TIGD7: variants seen among roughly 807,000 people sequenced by gnomAD.
The protein encoded by TIGD7 is tigger transposable element-derived protein 7.
TIGD7 carries 26 observed loss-of-function variants against 24.8 expected under a neutral mutation model. The observed-to-expected ratio is 1.05, with a 90% CI of 0.77 to 1.45. The LOEUF (loss-of-function observed/expected upper bound fraction) is 1.45, where lower values mean the gene tolerates loss of function less well. TIGD7 is among the 40% of genes most tolerant of loss of function. The pLI is 0.00. For missense variants in TIGD7, 679 were observed against 641.6 expected (o/e 1.06, Z -0.63); for synonymous variants, 221 against 224.1 (o/e 0.99, Z 0.12).
chr16:3,304,722 A>T (rs961615090), intron 1 of TIGD7: 1 of 152,208 alleles, frequency 6.6e-6, no homozygotes, highest in Non-Finnish European at 1.5e-5. Context: ...TCAGATTCTT[A>T]TAACTATGAT....
chr16:3,304,336 G>A (rs992811438), intron 1 of TIGD7, among the ~76,000 whole-genome samples: 3 of 152,160 alleles, frequency 2.0e-5, no homozygotes, highest in Admixed American at 6.5e-5. Context: ...CCTGGAAAGT[G>A]TCTCCATTCC....
chr16:3,302,833 C>A, intron 1 of TIGD7, among the ~76,000 whole-genome samples: 1 of 121,444 alleles, frequency 8.2e-6, no homozygotes, highest in Non-Finnish European at 1.7e-5. Context: ...GTGCCGTCGT[C>A]TTTTTTTTTT....
intron 1 of TIGD7, among the ~76,000 whole-genome samples, chr16:3,302,702 T>C (rs890878218): frequency 3.3e-5 from 5 of 152,138 alleles, no homozygotes; most frequent in African/African-American, 1.2e-4. Context: ...TAAAAAAGTA[T>C]TTGCTAGCCA....
chr16:3,299,735 G>GT lies in TIGD7; in HGVS notation c.879dup (p.Leu294ThrfsTer12). On this transcript the variant is annotated frameshift_variant, in exon 2 of 2. Coordinates refer to ENST00000396862, the MANE Select transcript of TIGD7 (RefSeq NM_033208.4). LOFTEE classifies it low-confidence loss of function (END_TRUNC). ...GGATGAGCCGGGCAACTGTCCAGAAGTAACAATGCCCTGACGTCCTCGTCA... is the reference window on the plus strand; with the variant it reads ...GGATGAGCCGGGCAACTGTCCAGAAGTTAACAATGCCCTGACGTCCTCGTCA... 7 of 1,541,144 alleles carry GT rather than the reference G, an allele frequency of 4.5e-6. No individual in the cohort carries two copies. The highest frequency in any genetic ancestry group is 6.1e-6 in the Non-Finnish European group (7 of 1,148,846).
At chr16:3,303,337 A>G (rs1469789611) in intron 1 of TIGD7, among the ~76,000 whole-genome samples, 2 of 152,240 alleles carry the variant, frequency 1.3e-5, no homozygotes, top group Non-Finnish European at 2.9e-5. Flanking sequence ...TTTCCCTTTA[A>G]CCAACTTCCT....
chr16:3,304,000 T>C (rs1960028047), intron 1 of TIGD7: 1 of 150,972 alleles, frequency 6.6e-6, no homozygotes, highest in African/African-American at 2.4e-5. Flanking sequence ...GCCCGGCTAA[T>C]TTTTTTTTGT....
chr16:3,299,617 C>T lies in TIGD7; in HGVS notation c.998G>A (p.Gly333Asp), dbSNP rs1228385797. The change falls in exon 2 of 2, where the codon GGT becomes GAT. Residue 333 changes from glycine to aspartate, a missense_variant. Gly to Asp is a moderately conservative substitution (Grantham distance 94). Transcript: ENST00000396862. The stretch of plus-strand genomic sequence containing the variant: ...CAGCCGTTTGCAGCTCAAGATCACA[C>T]CTTGATTCATTGGTTGAATCAAGGT... ...TSTLIQPMNQ[G>D]VILSCKRLYR... The T allele has an allele frequency of 6.4e-7, 1 of 1,564,422 alleles. No individual in the cohort carries two copies.
chr16:3,299,962 G>A lies in TIGD7; in HGVS notation c.653C>T (p.Ala218Val), dbSNP rs1019769749. The change falls in exon 2 of 2, where the codon GCA (alanine) becomes GTA (valine). Residue 218 changes from alanine to valine, a missense_variant. By Grantham distance (64) the Ala-to-Val change is moderately conservative. Transcript: ENST00000396862. ...ERLSAFLCAN[A>V]DGTHKLKSII... is the part of the protein sequence containing the mutation. ...TGACTTTAATTTATGAGTTCCGTCT[G>A]CATTTGCACATAAAAAGGCAGACAA... 3.7e-6 allele frequency: 6 copies of A among 1,613,798 alleles called. No homozygotes were observed. Among genetic ancestry groups the A allele is most frequent in the Non-Finnish European group, 5.1e-6 (6 of 1,179,952 alleles).
chr16:3,300,367 G>A lies in TIGD7; in HGVS notation c.248C>T (p.Ala83Val), dbSNP rs746355436. 29 of 1,614,036 alleles carry A rather than the reference G, an allele frequency of 1.8e-5. No homozygotes were observed. The highest frequency in any genetic ancestry group is 5.0e-5 in the Admixed American group (3 of 60,004). ...TTTCTGTTGGTACCACATGTAGACCGCATCATCTACATCACCATATTTGGC... is the reference window on the plus strand; with the variant it reads ...TTTCTGTTGGTACCACATGTAGACCACATCATCTACATCACCATATTTGGC... The part of the protein sequence containing the change: ...TGAKYGDVDD[A>V]VYMWYQQKRS... The change falls in exon 2 of 2, where the codon GCG becomes GTG. Residue 83 changes from alanine to valine, a missense_variant. Transcript: ENST00000396862.
In TIGD7 at chr16:3,302,719, G is replaced by A. The variant is rs1040553233; in HGVS notation, c.-1395-710C>T. Reference sequence around the variant, plus strand: ...AAAAAGTATTTGCTAGCCAATAGCAGCACCATTAACTCAAGCTAGTCACCT... The same window carrying A: ...AAAAAGTATTTGCTAGCCAATAGCAACACCATTAACTCAAGCTAGTCACCT... On this transcript the variant is annotated intron_variant, in intron 1 of 1. Transcript: ENST00000396862. Among the ~76,000 whole-genome samples, 7 of 152,034 alleles carry A rather than the reference G, an allele frequency of 4.6e-5. No homozygotes were observed. In the East Asian group the frequency reaches 1.4e-3, roughly 29 times the overall value.
In TIGD7 at chr16:3,300,026, C is replaced by T. The variant is rs142304139; in HGVS notation, c.589G>A (p.Asp197Asn). The T allele has an allele frequency of 1.5e-5, 24 of 1,614,200 alleles. No homozygotes were observed. The African/African-American group carries it at 2.3e-4, about 15-fold the overall frequency. Residue 197 changes from aspartate (D) to asparagine (N), a missense_variant, in exon 2 of 2, where the codon GAT (aspartate) becomes AAT (asparagine). Transcript: ENST00000396862. ...MPENSQASRK[D>N]ICLPGKKINK... ...ATTTTCTTCCCTGGTAGGCAGATAT[C>T]TTTCCTACTTGCCTGAGAATTTTCT...
chr16:3,304,368 A>T (rs1053011128), intron 1 of TIGD7, among the ~76,000 whole-genome samples: 1 of 152,050 alleles, frequency 6.6e-6, no homozygotes, highest in African/African-American at 2.4e-5. Flanking sequence ...AAAATCCCTC[A>T]AGGTCTTTTA....
rs1361305894 is a variant in TIGD7 at position 3,299,692 on chromosome 16, G to C, written c.923C>G (p.Thr308Ser). The change falls in exon 2 of 2, where the codon ACC becomes AGC. Residue 308 changes from threonine to serine, a missense_variant. Coordinates refer to ENST00000396862, the MANE Select transcript of TIGD7 (RefSeq NM_033208.4). ...ACATTTTATTCGACCATCCTCACTGGTTAGGGATTCAGAGGAAGGATGAGC... is the reference window on the plus strand; with the variant it reads ...ACATTTTATTCGACCATCCTCACTGCTTAGGGATTCAGAGGAAGGATGAGC... ...CPAHPSSESL[T>S]SEDGRIKCMF... 6.5e-7 allele frequency: 1 copy of C among 1,540,334 alleles called. No individual in the cohort carries two copies.
At chr16:3,302,821 C>A (rs1302054214) in intron 1 of TIGD7, among the ~76,000 whole-genome samples, 1 of 149,382 alleles carries the variant, frequency 6.7e-6, no homozygotes, top group African/African-American at 2.5e-5. Flanking sequence ...TGCTTCTCAG[C>A]TGTGCCGTCG....
Position 3,299,366 on chromosome 16 carries a change from G to A in TIGD7, c.1249C>T (p.His417Tyr), listed in dbSNP as rs551805283. Residue 417 changes from histidine to tyrosine, a missense_variant, in exon 2 of 2, where the codon CAT (histidine) becomes TAT (tyrosine). His to Tyr is a moderately conservative substitution (Grantham distance 83). Coordinates refer to ENST00000396862, the MANE Select transcript of TIGD7 (RefSeq NM_033208.4). ...TCAAGAATTTCTCTATAATCCCCATGTTCTAAGCCTTGAAAATCATATTCA... is the reference window on the plus strand; with the variant it reads ...TCAAGAATTTCTCTATAATCCCCATATTCTAAGCCTTGAAAATCATATTCA... ...EPEYDFQGLE[H>Y]GDYREILEKC... is the part of the protein sequence containing the mutation. The A allele has an allele frequency of 1.4e-5, 22 of 1,569,286 alleles. No individual in the cohort carries two copies. The African/African-American group carries it at 2.8e-4, about 20-fold the overall frequency.
chr16:3,298,979 C>A lies in TIGD7; in HGVS notation c.1636G>T (p.Gly546Cys). ...AAACACAAAATCTAATGATTAGAAC[C>A]AGAAGTTGAAGGCCCACTGAAGGAG... ...KDSFSGPSTS[G>C]SNH Residue 546 changes from glycine (G) to cysteine (C), a missense_variant, in exon 2 of 2, where the codon GGT becomes TGT. Gly to Cys is a radical substitution (Grantham distance 159). Transcript: ENST00000396862. 7.9e-7 allele frequency: 1 copy of A among 1,265,934 alleles called. No homozygotes were observed. The highest frequency in any genetic ancestry group is 3.0e-5 in the Admixed American group (1 of 33,098). The allele number at this position is 1,265,934 out of a possible 1,614,324, so 78.4% of individuals were successfully genotyped here.
At position 3,300,319 on chromosome 16, in the gene TIGD7, C is replaced by T. The variant is rs1959900869; in HGVS notation, c.296G>A (p.Arg99Lys). The change falls in exon 2 of 2, where the codon AGA becomes AAA. Residue 99 changes from arginine (R) to lysine (K), a missense_variant. Physicochemically the swap from Arg to Lys is conservative, Grantham distance 26 (BLOSUM62 2). Coordinates refer to ENST00000396862, the MANE Select transcript of TIGD7 (RefSeq NM_033208.4). ...TGCAGCAGCCTGAAGCTCCACGCCT[C>T]TTACCGGAACACCGGCTGAGCGTTT... Reference protein sequence around the residue: ...QQKRSAGVPVRGVELQAAAER... With the variant: ...QQKRSAGVPVKGVELQAAAER... The T allele has an allele frequency of 6.2e-7, 1 of 1,614,250 alleles. No homozygotes were observed. Among genetic ancestry groups the T allele is most frequent in the Non-Finnish European group, 8.5e-7 (1 of 1,180,050 alleles).
At chr16:3,302,121 T>A (rs1042622138) in intron 1 of TIGD7, 112 bp from the exon 2 acceptor site, 1 of 152,330 alleles carries the variant, frequency 6.6e-6, no homozygotes, top group Admixed American at 6.6e-5. Context: ...CTCAACTACA[T>A]AGAATTCTCT....
chr16:3,300,123 G>A lies in TIGD7; in HGVS notation c.492C>T (p.Ile164=). ...EPFRQKLSMI[I]KEEKLCLAQL... ...GAGCTAGACACAGTTTCTCCTCTTT[G>A]ATTATCATGGACAGTTTTTGTCGAA... The change falls in exon 2 of 2, where the codon ATC becomes ATT. Residue 164 remains isoleucine, a synonymous_variant. Transcript: ENST00000396862. 1 of 1,614,182 alleles carries A rather than the reference G, an allele frequency of 6.2e-7. No homozygotes were observed. Among genetic ancestry groups the A allele is most frequent in the Non-Finnish European group, 8.5e-7 (1 of 1,180,038 alleles).
Sources: allele counts gnomAD v4.1 joint callset (sites outside exome capture counted in the v4.1 genomes callset), GRCh38; gene constraint gnomAD v4.1.1; transcripts MANE v1.5; gene names NCBI Gene and HGNC (gene_info 2026-07-23, HGNC 2026-07-21).